The following SLC25A31 variants were observed in gnomAD, a reference collection of about 807,000 sequenced individuals.
SLC25A31 encodes ADP/ATP translocase 4.
Under a neutral mutation model 36.2 loss-of-function variants are expected in SLC25A31, and 40 were observed. That is an observed-to-expected ratio of 1.10 (90% CI 0.86 to 1.44). The LOEUF is 1.44. Ranked by LOEUF, SLC25A31 falls within the 40% of genes most tolerant of loss-of-function variation. SLC25A31 has a pLI of 0.00. For missense variants in SLC25A31, 350 were observed against 397.1 expected (o/e 0.88, Z 1.01); for synonymous variants, 143 against 149.7 (o/e 0.96, Z 0.32).
intron 2 of SLC25A31, among the ~76,000 whole-genome samples, chr4:127,760,042 AAC>A (rs1732098815): frequency 6.6e-6 from 1 of 152,166 alleles, no homozygotes; most frequent in Non-Finnish European, 1.5e-5. Flanking sequence ...CTTCTCATGG[AAC>A]TGTTGACCAA....
intron 2 of SLC25A31, among the ~76,000 whole-genome samples, chr4:127,759,681 G>C (rs761028647): frequency 1.9e-4 from 29 of 152,164 alleles, no homozygotes; most frequent in Non-Finnish European, 4.0e-4. Context: ...TGGGGAGTTA[G>C]TGTTTAATGA....
chr4:127,760,562 C>G (rs550245897), intron 2 of SLC25A31, among the ~76,000 whole-genome samples: 8 of 152,362 alleles, frequency 5.3e-5, no homozygotes, highest in African/African-American at 1.9e-4. Flanking sequence ...GCTCCCAGCT[C>G]TCTTCCTTGT....
At chr4:127,772,953 T>C (rs1483589924) in intron 5 of SLC25A31, among the ~76,000 whole-genome samples, 1 of 151,978 alleles carries the variant, frequency 6.6e-6, no homozygotes, top group Non-Finnish European at 1.5e-5. Context: ...AGCTAATTTT[T>C]TGTATTTTTT....
intron 2 of SLC25A31, among the ~76,000 whole-genome samples, chr4:127,760,426 A>G (rs570906471): frequency 3.9e-5 from 6 of 152,234 alleles, no homozygotes; most frequent in Admixed American, 2.0e-4. Flanking sequence ...GTTTGTTCCA[A>G]TCTAACTCCC....
rs564145649 is a variant in SLC25A31, at chr4:127,764,248, G to T, written c.366G>T (p.Trp122Cys). 52 of 1,613,430 alleles carry T rather than the reference G, an allele frequency of 3.2e-5. No homozygotes were observed. The highest frequency in any genetic ancestry group is 1.0e-5 in the Non-Finnish European group (12 of 1,179,610). Residue 122 changes from tryptophan to cysteine, a missense_variant, in exon 3 of 6, where the codon TGG (tryptophan) becomes TGT (cysteine). Coordinates refer to ENST00000281154, the MANE Select transcript of SLC25A31 (RefSeq NM_031291.4). ...MSGVNKEKQF[W>C]RWFLANLASG... The stretch of plus-strand genomic sequence containing the variant: ...TTTAAATTAATATGTTTCAGTTCTG[G>T]AGGTGGTTTTTGGCAAACCTGGCTT...
At chr4:127,769,236 G>A (rs187807162) in intron 5 of SLC25A31, among the ~76,000 whole-genome samples, 110 of 152,246 alleles carry the variant, frequency 7.2e-4, no homozygotes, top group Non-Finnish European at 1.4e-3. Flanking sequence ...ATTATTTATT[G>A]TAATATATTT....
chr4:127,764,090 G>A (rs1732193007), intron 2 of SLC25A31, among the ~76,000 whole-genome samples, 153 bp from the exon 3 acceptor site: 1 of 152,070 alleles, frequency 6.6e-6, no homozygotes, highest in Non-Finnish European at 1.5e-5. Flanking sequence ...AAAATATTTT[G>A]GATAGCATGG....
intron 2 of SLC25A31, among the ~76,000 whole-genome samples, chr4:127,763,359 A>C (rs1044710464): frequency 6.6e-6 from 1 of 152,222 alleles, no homozygotes; most frequent in African/African-American, 2.4e-5. Flanking sequence ...CTGACACTTT[A>C]TTGTTAGAAA....
chr4:127,764,391 C>T (rs1732200447), intron 3 of SLC25A31, 31 bp downstream of exon 3: 4 of 1,540,746 alleles, frequency 2.6e-6, no homozygotes, highest in Non-Finnish European at 3.6e-6. Flanking sequence ...CTAACTTTTC[C>T]TTCTTTGCAT....
At chr4:127,752,379 T>G (rs1192560768) in intron 2 of SLC25A31, among the ~76,000 whole-genome samples, 1 of 143,622 alleles carries the variant, frequency 7.0e-6, no homozygotes, top group Non-Finnish European at 1.5e-5. Context: ...TGAGAACACA[T>G]GGACACAGGA....
intron 2 of SLC25A31, among the ~76,000 whole-genome samples, chr4:127,754,539 A>T (rs1443536008): frequency 1.5e-4 from 2 of 13,444 alleles, no homozygotes; most frequent in East Asian, 3.4e-3. Flanking sequence ...AATAGCTTTA[A>T]AAAAAAAAAA....
intron 2 of SLC25A31, among the ~76,000 whole-genome samples, chr4:127,753,363 A>G (rs996641008): frequency 6.6e-6 from 1 of 152,120 alleles, no homozygotes; most frequent in African/African-American, 2.4e-5. Context: ...GAGACTAGAG[A>G]TAAAAGATTT....
rs188624214 is a variant in SLC25A31 at position 127,763,620 on chromosome 4, C to T, written c.361-623C>T. On this transcript the variant is annotated intron_variant, in intron 2 of 5. Transcript: ENST00000281154. ...CATGTGAACTAGTAGACCAGTGAGG[C>T]CTAACTTAAATGCCATACAACTACA... Among the ~76,000 whole-genome samples, 11 of 152,264 alleles carry T rather than the reference C, an allele frequency of 7.2e-5. No individual in the cohort carries two copies. In the East Asian group the frequency reaches 2.1e-3, roughly 29 times the overall value.
chr4:127,773,566 G>A lies in SLC25A31; in HGVS notation c.940G>A (p.Gly314Ser). The change falls in exon 6 of 6, where the codon GGT becomes AGT. Residue 314 changes from glycine to serine, a missense_variant. Coordinates refer to ENST00000281154, the MANE Select transcript of SLC25A31 (RefSeq NM_031291.4). Reference protein sequence around the residue: ...IKEFFHIDIGGR With the variant: ...IKEFFHIDIGSR ...AGAATTCTTTCATATTGATATTGGT[G>A]GTAGGTAATCGGGAGAGTAAATTAA... 1 of 1,590,824 alleles carries A rather than the reference G, an allele frequency of 6.3e-7. No homozygotes were observed. Among genetic ancestry groups the A allele is most frequent in the Non-Finnish European group, 8.5e-7 (1 of 1,170,818 alleles).
intron 2 of SLC25A31, among the ~76,000 whole-genome samples, chr4:127,757,999 G>A (rs1477623688): frequency 6.6e-6 from 1 of 152,116 alleles, no homozygotes; most frequent in Admixed American, 6.6e-5. Flanking sequence ...GGTGGTGAAG[G>A]GCACTTCTTA....
intron 2 of SLC25A31, among the ~76,000 whole-genome samples, chr4:127,745,082 C>T (rs1314764847): frequency 1.3e-5 from 2 of 151,984 alleles, no homozygotes; most frequent in Non-Finnish European, 2.9e-5. Context: ...CACTGTTTTG[C>T]GCTGGGGAAA....
rs914839348 is a variant in SLC25A31, at chr4:127,739,966, T to A, written c.233-4706T>A. Among the ~76,000 whole-genome samples, 19 of 152,102 alleles carry A rather than the reference T, an allele frequency of 1.2e-4. 2 individuals are homozygous for A. Among genetic ancestry groups the A allele is most frequent in the Admixed American group, 2.0e-4 (3 of 15,276 alleles). On this transcript the variant is annotated intron_variant, in intron 1 of 5. Coordinates refer to ENST00000281154, the MANE Select transcript of SLC25A31 (RefSeq NM_031291.4). ...TGAAGATGTTTATCTCTTCTTTCAT[T>A]TCCCAGATTACTCTAGAAGTTTGTG... is the stretch of plus-strand genomic sequence containing the variant.
chr4:127,761,663 C>T (rs966489098), intron 2 of SLC25A31, among the ~76,000 whole-genome samples: 5 of 151,978 alleles, frequency 3.3e-5, no homozygotes, highest in African/African-American at 1.2e-4. Context: ...CCTTTTTGGC[C>T]TTTCTAAAGG....
chr4:127,752,606 A>C (rs1483858893), intron 2 of SLC25A31, among the ~76,000 whole-genome samples: 1 of 152,192 alleles, frequency 6.6e-6, no homozygotes, highest in Non-Finnish European at 1.5e-5. Flanking sequence ...GGAAATTTAA[A>C]AAGAGCAGAG....
Sources: allele counts gnomAD v4.1 joint callset (sites outside exome capture counted in the v4.1 genomes callset), GRCh38; gene constraint gnomAD v4.1.1; transcripts MANE v1.5; gene names NCBI Gene and HGNC (gene_info 2026-07-23, HGNC 2026-07-21).